Variants in NLN observed in about 807,000 individuals in gnomAD.
NLN encodes the protein neurolysin, also known as neurolysin, mitochondrial.
NLN carries 64 observed loss-of-function variants against 79.9 expected under a neutral mutation model. The ratio of observed to expected loss-of-function variants is 0.80; its 90% CI spans 0.65 to 0.99. The LOEUF is 0.99. NLN is among the 50% of genes least tolerant of loss of function. NLN has a pLI of 0.00. For missense variants in NLN, 835 were observed against 858.7 expected, an observed-to-expected ratio of 0.97 and a Z score of 0.34; for synonymous variants, 267 against 296.6, an observed-to-expected ratio of 0.90 and a Z score of 1.02.
chr5:65,759,583 TC>T (rs976505800), intron 2 of NLN, among the ~76,000 whole-genome samples: 11 of 152,086 alleles, frequency 7.2e-5, no homozygotes, highest in Non-Finnish European at 1.6e-4. Context: ...CCAGCTCCAG[TC>T]CGAAGGCCAG....
rs10075817 is a variant in NLN at position 65,742,698 on chromosome 5, A to T, written c.42-15869A>T. Among the ~76,000 whole-genome samples the T allele has an allele frequency of 4.7e-3, 723 of 152,318 alleles. 10 individuals carry two copies. Among genetic ancestry groups the T allele is most frequent in the African/African-American group, 0.017 (686 of 41,574 alleles). On this transcript the variant is annotated intron_variant, in intron 1 of 12. Coordinates refer to ENST00000380985, the MANE Select transcript of NLN (RefSeq NM_020726.5). ...AAACAATTTCTGCCCAATCTAAAAAATTACTTTCCTATACCAGCAGGTGGA... is the reference window on the plus strand; with the variant it reads ...AAACAATTTCTGCCCAATCTAAAAATTTACTTTCCTATACCAGCAGGTGGA...
chr5:65,735,551 T>C (rs1336831420), intron 1 of NLN, among the ~76,000 whole-genome samples: 1 of 152,192 alleles, frequency 6.6e-6, no homozygotes, highest in Non-Finnish European at 1.5e-5. Flanking sequence ...TTCTTTCTCC[T>C]TTCTTTGTTC....
chr5:65,750,712 T>C (rs967125432), intron 1 of NLN, among the ~76,000 whole-genome samples: 1 of 151,514 alleles, frequency 6.6e-6, no homozygotes, highest in Admixed American at 6.6e-5. Context: ...TGAGACTTTG[T>C]CTTTTTAAAA....
At chr5:65,809,947 G>A (rs1347006072) in intron 10 of NLN, 90 bp from the exon 11 acceptor site, 2 of 1,418,054 alleles carry the variant, frequency 1.4e-6, no homozygotes, top group African/African-American at 2.8e-5. Context: ...AGTACTACTG[G>A]AATCTGTTTT....
At chr5:65,768,516 A>G (rs1164071138) in intron 3 of NLN, among the ~76,000 whole-genome samples, 1 of 152,222 alleles carries the variant, frequency 6.6e-6, no homozygotes, top group Admixed American at 6.5e-5. Context: ...ACAATTCAAG[A>G]TGAGATTTGG....
chr5:65,741,726 C>T (rs368512859), intron 1 of NLN, among the ~76,000 whole-genome samples: 48 of 152,204 alleles, frequency 3.2e-4, no homozygotes, highest in African/African-American at 1.1e-3. Flanking sequence ...TGTGGATAGT[C>T]GCATTAGTAA....
At chr5:65,791,585 T>A (rs553094028) in intron 8 of NLN, among the ~76,000 whole-genome samples, 19 of 151,882 alleles carry the variant, frequency 1.3e-4, no homozygotes, top group Non-Finnish European at 2.6e-4. Flanking sequence ...TTAACCAGCG[T>A]GGTGTTGTAT....
rs750209495 is a variant in NLN, at chr5:65,785,811, C to T, written c.859C>T (p.Arg287Ter). 2.3e-5 allele frequency: 37 copies of T among 1,613,384 alleles called. No individual in the cohort carries two copies. Among genetic ancestry groups the T allele is most frequent in the East Asian group, 4.5e-5 (2 of 44,880 alleles). Residue 287 changes from arginine to a stop codon, truncating the protein, a stop_gained, in exon 7 of 13, where the codon CGA becomes TGA. Transcript: ENST00000380985. LOFTEE classifies it high-confidence loss of function. ...TIILQQLLPL[R>*]TKVAKLLGYS... is the part of the protein sequence containing the mutation. ...AATTTTGCAGCAGCTACTCCCACTG[C>T]GAACCAAGGTGGCCAAACTACTCGG...
chr5:65,766,034 A>G (rs1759443484), intron 3 of NLN, among the ~76,000 whole-genome samples: 1 of 152,224 alleles, frequency 6.6e-6, no homozygotes, highest in Non-Finnish European at 1.5e-5. Flanking sequence ...GGCCTGAAAT[A>G]GCAACCGTCA....
chr5:65,784,908 A>G (rs575160202), intron 6 of NLN, among the ~76,000 whole-genome samples: 50 of 152,314 alleles, frequency 3.3e-4, no homozygotes, highest in Non-Finnish European at 5.9e-4. Flanking sequence ...GGAACTTCAT[A>G]TAAGTGGAAT....
intron 1 of NLN, among the ~76,000 whole-genome samples, chr5:65,746,231 C>A (rs1477049911): frequency 6.6e-6 from 1 of 151,926 alleles, no homozygotes; most frequent in Non-Finnish European, 1.5e-5. Flanking sequence ...AAAACAAAAC[C>A]TAAAAAAAGA....
In NLN at chr5:65,825,068, T is replaced by C. The variant is rs1455259187; in HGVS notation, c.*2153T>C. On this transcript the variant is annotated 3_prime_UTR_variant, in exon 13 of 13. Transcript: ENST00000380985. ...GTGAGCTGAGATCATGCCATTGCAC[T>C]CCAGCCTGGACGACAGAGTGAGATT... is the stretch of plus-strand genomic sequence containing the variant. 6.6e-6 allele frequency: 1 copy of C among 152,214 alleles called. No individual in the cohort carries two copies. The highest frequency in any genetic ancestry group is 2.4e-5 in the African/African-American group (1 of 41,432). The allele number at this position is 152,214 out of a possible 1,614,324, so 9.4% of individuals were successfully genotyped here. A position where few individuals can be genotyped will look rare whatever the true frequency, so the allele number is the denominator to read the frequency against.
At chr5:65,733,387 G>A in intron 1 of NLN, 4 of 1,508,442 alleles carry the variant, frequency 2.7e-6, no homozygotes, top group Admixed American at 1.7e-5. Context: ...TACTTTCATG[G>A]AAACGAGACC....
At chr5:65,787,486 C>T (rs1759956231) in intron 7 of NLN, among the ~76,000 whole-genome samples, 1 of 152,032 alleles carries the variant, frequency 6.6e-6, no homozygotes, top group Non-Finnish European at 1.5e-5. Flanking sequence ...ACGTATGTAA[C>T]AAAATGTAAA....
intron 12 of NLN, among the ~76,000 whole-genome samples, chr5:65,815,651 G>C (rs1760653648): frequency 6.6e-6 from 1 of 152,136 alleles, no homozygotes; most frequent in Non-Finnish European, 1.5e-5. Context: ...CAAAAGCCAA[G>C]AAGAATCCCT....
At chr5:65,772,957 T>G (rs1579938835) in intron 3 of NLN, among the ~76,000 whole-genome samples, 1 of 151,064 alleles carries the variant, frequency 6.6e-6, no homozygotes, top group Non-Finnish European at 1.5e-5. Flanking sequence ...TTTTTTGTTT[T>G]TTTTTTTTTT....
At chr5:65,799,082 A>G (rs2068380042) in intron 9 of NLN, among the ~76,000 whole-genome samples, 1 of 152,162 alleles carries the variant, frequency 6.6e-6, no homozygotes, top group Non-Finnish European at 1.5e-5. Context: ...GGGTTTCACC[A>G]TGTTGCCCAG....
chr5:65,808,098 G>A (rs12657670), intron 9 of NLN, among the ~76,000 whole-genome samples: 6,453 of 152,230 alleles, frequency 0.042, 198 homozygotes, highest in African/African-American at 0.078. Context: ...GTCCTCAATA[G>A]AGGTGGCTTA....
At position 65,755,347 on chromosome 5, in the gene NLN, T is replaced by G. The variant is rs192229375; in HGVS notation, c.42-3220T>G. Among the ~76,000 whole-genome samples, 4 of 152,344 alleles carry G rather than the reference T, an allele frequency of 2.6e-5. No homozygotes were observed. The East Asian group carries it at 7.7e-4, about 29-fold the overall frequency. ...ATTTGATTGGCATTTCTCACTATCCTTCTTGTATAAACTACACCTATAATG... is the reference window on the plus strand; with the variant it reads ...ATTTGATTGGCATTTCTCACTATCCGTCTTGTATAAACTACACCTATAATG... On this transcript the variant is annotated intron_variant, in intron 1 of 12. Transcript: ENST00000380985.
Sources: gnomAD v4.1 joint callset for allele counts (sites outside exome capture counted in the v4.1 genomes callset) on GRCh38, gnomAD v4.1.1 for gene constraint, MANE v1.5 for transcripts, NCBI Gene and HGNC (gene_info 2026-07-23, HGNC 2026-07-21) for gene names.